Variants in SWAP70 observed in about 807,000 individuals in gnomAD.
SWAP70 encodes switch-associated protein 70.
SWAP70 carries 34 observed loss-of-function variants against 80.2 expected under a neutral mutation model. The ratio of observed to expected loss-of-function variants is 0.42; its 90% CI spans 0.32 to 0.56. The LOEUF (loss-of-function observed/expected upper bound fraction) is 0.56, where lower values mean the gene tolerates loss of function less well. Among genes scored for constraint, SWAP70 ranks in the 20% least tolerant of loss-of-function variants. The probability of loss-of-function intolerance (pLI) is 0.09; values close to 1 mark genes in which losing one functional copy is unlikely to be tolerated. For synonymous variants in SWAP70, 239 were observed against 238.5 expected (o/e 1.00, Z -0.02); for missense variants, 578 against 690.7 (o/e 0.84, Z 1.83).
intron 2 of SWAP70, among the ~76,000 whole-genome samples, chr11:9,701,467 C>G (rs764748233): frequency 6.6e-6 from 1 of 151,792 alleles, no homozygotes; most frequent in African/African-American, 2.4e-5. Context: ...CCACTGTGCC[C>G]GGCCCCAAAT....
chr11:9,725,569 A>ATATATATT (rs1554892086), intron 4 of SWAP70, among the ~76,000 whole-genome samples: 1 of 26,616 alleles, frequency 3.8e-5, no homozygotes, highest in Non-Finnish European at 6.5e-5. Flanking sequence ...ATATATATAT[A>ATATATATT]TTTTTTTTTT....
In SWAP70 at chr11:9,694,163, G is replaced by C; in HGVS notation, c.117G>C (p.Leu39=). The change falls in exon 2 of 12, where the codon CTG becomes CTC. Residue 39 remains leucine, a synonymous_variant. Transcript: ENST00000318950. ...CCTTGCAGGTCCTTTCCCATAACCTGTGCACGGTGCTGAAGGTTCCTCATG... is the reference window on the plus strand; with the variant it reads ...CCTTGCAGGTCCTTTCCCATAACCTCTGCACGGTGCTGAAGGTTCCTCATG... ...KSQLKVLSHN[L]CTVLKVPHDP... is the part of the protein sequence containing the mutation. 6.2e-7 allele frequency: 1 copy of C among 1,608,406 alleles called. No individual in the cohort carries two copies. Among genetic ancestry groups the C allele is most frequent in the Non-Finnish European group, 8.5e-7 (1 of 1,177,632 alleles).
At position 9,729,416 on chromosome 11, in the gene SWAP70, C is replaced by T. The variant is rs1231478761; in HGVS notation, c.863C>T (p.Ala288Val). Reference sequence around the variant, plus strand: ...TTTGATAAGACTTTTGAAATCAGTGCTTCAGATAAGAAGAAGAAACAGGAG... The same window carrying T: ...TTTGATAAGACTTTTGAAATCAGTGTTTCAGATAAGAAGAAGAAACAGGAG... ...KCFDKTFEIS[A>V]SDKKKKQEWI... is the part of the protein sequence containing the mutation. Residue 288 changes from alanine to valine, a missense_variant, in exon 6 of 12, where the codon GCT becomes GTT. By Grantham distance (64) the Ala-to-Val change is moderately conservative (BLOSUM62 0). Transcript: ENST00000318950. The T allele has an allele frequency of 1.2e-6, 2 of 1,612,912 alleles. No homozygotes were observed. The highest frequency in any genetic ancestry group is 1.7e-6 in the Non-Finnish European group (2 of 1,179,242).
At chr11:9,727,129 G>A (rs1050791520) in intron 4 of SWAP70, among the ~76,000 whole-genome samples, 4 of 152,010 alleles carry the variant, frequency 2.6e-5, no homozygotes, top group African/African-American at 9.7e-5. Flanking sequence ...GGTGGCTCAC[G>A]CCTATAATCC....
chr11:9,709,589 A>G (rs993355386), intron 2 of SWAP70, among the ~76,000 whole-genome samples: 33 of 152,128 alleles, frequency 2.2e-4, no homozygotes, highest in African/African-American at 7.7e-4. Flanking sequence ...TAGTAGTGCG[A>G]TCTCCCACCA....
intron 1 of SWAP70, among the ~76,000 whole-genome samples, chr11:9,688,914 A>T (rs182709343): frequency 9.9e-5 from 15 of 152,134 alleles, no homozygotes; most frequent in Admixed American, 9.8e-4. Context: ...GTGGTAGGAA[A>T]TTGGTCATGC....
chr11:9,675,834 C>T (rs1369562939), intron 1 of SWAP70, among the ~76,000 whole-genome samples: 2 of 152,162 alleles, frequency 1.3e-5, no homozygotes, highest in African/African-American at 4.8e-5. Context: ...TGGCTCCCCA[C>T]CTGAGTTGAG....
intron 1 of SWAP70, among the ~76,000 whole-genome samples, chr11:9,681,423 G>A (rs1475168705): frequency 6.6e-6 from 1 of 152,214 alleles, no homozygotes; most frequent in African/African-American, 2.4e-5. Flanking sequence ...CTGACAGTCT[G>A]TCTTAGAATT....
At position 9,738,446 on chromosome 11, in the gene SWAP70, C is replaced by A. The variant is rs915757961; in HGVS notation, c.1188+126C>A. 5.7e-6 allele frequency: 3 copies of A among 528,746 alleles called. No homozygotes were observed. In the African/African-American group the frequency reaches 5.9e-5, roughly 10 times the overall value. 32.8% of individuals were successfully genotyped at this position (528,746 alleles called of 1,614,324 possible). A position where few individuals can be genotyped will look rare whatever the true frequency, so the allele number is the denominator to read the frequency against. On this transcript the variant is annotated intron_variant, in intron 8 of 11. Coordinates refer to ENST00000318950, the MANE Select transcript of SWAP70 (RefSeq NM_015055.4). ...GGCTTTGCTACTGACCTGGAATGGG[C>A]TGTAGGGGAAGTTGCATGTTTGTTC...
chr11:9,728,442 A>C (rs1457028493), intron 5 of SWAP70, among the ~76,000 whole-genome samples: 2 of 152,216 alleles, frequency 1.3e-5, no homozygotes, highest in Non-Finnish European at 2.9e-5. Flanking sequence ...TATAAGGATT[A>C]AATCATTTAT....
intron 1 of SWAP70, among the ~76,000 whole-genome samples, chr11:9,687,951 G>C (rs866917153): frequency 2.0e-5 from 3 of 152,294 alleles, no homozygotes; most frequent in Middle Eastern, 3.4e-3. Context: ...CAATCTTGAA[G>C]GATGTGACTA....
chr11:9,687,711 T>C (rs1387195615), intron 1 of SWAP70, among the ~76,000 whole-genome samples: 1 of 152,114 alleles, frequency 6.6e-6, no homozygotes, highest in East Asian at 1.9e-4. Flanking sequence ...TTTTCCTTAA[T>C]CTGTCTGTAA....
intron 1 of SWAP70, among the ~76,000 whole-genome samples, chr11:9,687,502 A>C (rs1196236985): frequency 6.6e-6 from 1 of 152,180 alleles, no homozygotes; most frequent in African/African-American, 2.4e-5. Context: ...TTCTTTTTAA[A>C]AGAAAATATA....
intron 9 of SWAP70, among the ~76,000 whole-genome samples, chr11:9,744,468 G>T (rs1851485179): frequency 6.6e-6 from 1 of 152,150 alleles, no homozygotes; most frequent in Non-Finnish European, 1.5e-5. Flanking sequence ...TACTGTTTTA[G>T]TTAGTTTTAA....
intron 2 of SWAP70, among the ~76,000 whole-genome samples, chr11:9,706,277 C>G: frequency 9.2e-6 from 1 of 108,360 alleles, no homozygotes; most frequent in Admixed American, 8.9e-5. Context: ...CACTGGTGAT[C>G]TGTGTATACT....
At chr11:9,676,839 G>A (rs1850507487) in intron 1 of SWAP70, among the ~76,000 whole-genome samples, 1 of 151,890 alleles carries the variant, frequency 6.6e-6, no homozygotes, top group African/African-American at 2.4e-5. Context: ...TTTTTTAGCA[G>A]AGACGGGGTG....
At chr11:9,721,481 T>G (rs947139155) in intron 3 of SWAP70, among the ~76,000 whole-genome samples, 1 of 151,368 alleles carries the variant, frequency 6.6e-6, no homozygotes, top group Admixed American at 6.6e-5. Flanking sequence ...CTTTTTTTTT[T>G]TTTTTAATGA....
In SWAP70 at chr11:9,664,191, G is replaced by C. The variant is rs1295778939; in HGVS notation, c.12G>C (p.Leu4Phe). Residue 4 changes from leucine to phenylalanine, a missense_variant, in exon 1 of 12, where the codon TTG (leucine) becomes TTC (phenylalanine). Coordinates refer to ENST00000318950, the MANE Select transcript of SWAP70 (RefSeq NM_015055.4). ...GCAGGGCCGCGGCCATGGGGAGCTTGAAGGAGGAGCTGCTCAAAGCCATCT... is the reference window on the plus strand; with the variant it reads ...GCAGGGCCGCGGCCATGGGGAGCTTCAAGGAGGAGCTGCTCAAAGCCATCT... Reference protein sequence around the residue: MGSLKEELLKAIWH... With the variant: MGSFKEELLKAIWH... 1 of 1,583,432 alleles carries C rather than the reference G, an allele frequency of 6.3e-7. No homozygotes were observed. The highest frequency in any genetic ancestry group is 8.6e-7 in the Non-Finnish European group (1 of 1,166,406).
chr11:9,707,678 C>T (rs1850935171), intron 2 of SWAP70, among the ~76,000 whole-genome samples: 1 of 151,106 alleles, frequency 6.6e-6, no homozygotes, highest in Non-Finnish European at 1.5e-5. Flanking sequence ...GCCTCAGCCT[C>T]CTTAGTAGCT....
Sources: gnomAD v4.1 joint callset for allele counts (sites outside exome capture counted in the v4.1 genomes callset) on GRCh38, gnomAD v4.1.1 for gene constraint, MANE v1.5 for transcripts, NCBI Gene and HGNC (gene_info 2026-07-23, HGNC 2026-07-21) for gene names.